Variants in TTLL11 observed in about 807,000 individuals in gnomAD.
The protein encoded by TTLL11 is tubulin tyrosine ligase like 11, also known as tubulin polyglutamylase TTLL11.
In TTLL11, 42 loss-of-function variants were observed where a neutral mutation model predicts 51.7. The ratio of observed to expected loss-of-function variants is 0.81; its 90% CI spans 0.64 to 1.05. TTLL11 has a LOEUF of 1.05. Ranked by LOEUF, TTLL11 falls within the 50% of genes least tolerant of loss-of-function variation. TTLL11 has a pLI of 0.00. For missense variants in TTLL11, 799 were observed against 940.4 expected, an observed-to-expected ratio of 0.85 and a Z score of 1.97; for synonymous variants, 381 against 383.5, an observed-to-expected ratio of 0.99 and a Z score of 0.08.
intron 8 of TTLL11, among the ~76,000 whole-genome samples, chr9:121,826,387 GTA>G (rs199645560): frequency 1.6e-5 from 2 of 124,528 alleles, no homozygotes; most frequent in African/African-American, 6.4e-5. Flanking sequence ...GTGTGTGGGT[GTA>G]TATATATATG....
At chr9:121,861,689 G>A (rs145382271) in intron 7 of TTLL11, among the ~76,000 whole-genome samples, 8 of 152,246 alleles carry the variant, frequency 5.3e-5, no homozygotes, top group Non-Finnish European at 8.8e-5. Context: ...GGCAGCTGAC[G>A]GTGTCATGCT....
chr9:122,041,062 T>A (rs1215861360), intron 1 of TTLL11, among the ~76,000 whole-genome samples: 1 of 152,168 alleles, frequency 6.6e-6, no homozygotes, highest in Non-Finnish European at 1.5e-5. Context: ...ATGACTCTTA[T>A]CTCCTTTTTC....
intron 6 of TTLL11, among the ~76,000 whole-genome samples, chr9:121,882,103 T>G (rs1376713284): frequency 6.6e-6 from 1 of 152,208 alleles, no homozygotes; most frequent in Non-Finnish European, 1.5e-5. Context: ...ACTCAGTAAG[T>G]GTTAGCTGCT....
intron 3 of TTLL11, among the ~76,000 whole-genome samples, chr9:122,021,322 G>A (rs1844173582): frequency 6.6e-6 from 1 of 152,162 alleles, no homozygotes; most frequent in Non-Finnish European, 1.5e-5. Context: ...AGGGAAGACT[G>A]AGATAGCCAG....
intron 6 of TTLL11, among the ~76,000 whole-genome samples, chr9:121,896,056 CTG>C (rs1176602444): frequency 2.1e-5 from 3 of 141,678 alleles, no homozygotes; most frequent in South Asian, 2.3e-4. Context: ...ATTTGTGTGG[CTG>C]TGTGTCATTG....
In TTLL11 at chr9:121,844,875, A is replaced by G. The variant is rs537019981; in HGVS notation, c.1840+15462T>C. Among the ~76,000 whole-genome samples, 14 of 152,238 alleles carry G rather than the reference A, an allele frequency of 9.2e-5. 1 individual carries two copies. In the East Asian group the frequency reaches 1.9e-3, roughly 21 times the overall value. The stretch of plus-strand genomic sequence containing the variant: ...AAGGAGACTATCCAGGAACAGTGGG[A>G]CAATGACAAAAAGTACAAAATATAT... On this transcript the variant is annotated intron_variant, in intron 8 of 8. Transcript: ENST00000321582.
chr9:122,050,384 C>G (rs1206126196), intron 1 of TTLL11, among the ~76,000 whole-genome samples: 1 of 152,188 alleles, frequency 6.6e-6, no homozygotes, highest in Admixed American at 6.5e-5. Flanking sequence ...TTCCATGATG[C>G]CTTCAGGCAG....
intron 8 of TTLL11, among the ~76,000 whole-genome samples, chr9:121,827,502 C>A (rs1362225680): frequency 2.0e-5 from 3 of 152,178 alleles, no homozygotes; most frequent in Non-Finnish European, 1.5e-5. Context: ...ACATCTCCCC[C>A]TCCAAAAAGA....
intron 6 of TTLL11, among the ~76,000 whole-genome samples, chr9:121,892,396 A>AG (rs1245604753): frequency 6.6e-6 from 1 of 152,104 alleles, no homozygotes; most frequent in South Asian, 2.1e-4. Flanking sequence ...TCATGGCGGA[A>AG]GGCAAAAGGC....
rs182397792 is a variant in TTLL11 at position 121,954,375 on chromosome 9, G to C, written c.1481+19634C>G. 1.9e-3 allele frequency among the ~76,000 whole-genome samples: 286 copies of C among 152,324 alleles called. 2 individuals are homozygous for C. The highest frequency in any genetic ancestry group is 6.7e-3 in the African/African-American group (278 of 41,582). On this transcript the variant is annotated intron_variant, in intron 6 of 8. Transcript: ENST00000321582. ...GAGACAAGCCCCACTCTGTCCCCCAGTTACAAGCACCAAAGATGCTAGCAA... is the reference window on the plus strand; with the variant it reads ...GAGACAAGCCCCACTCTGTCCCCCACTTACAAGCACCAAAGATGCTAGCAA...
intron 1 of TTLL11, among the ~76,000 whole-genome samples, chr9:122,089,467 T>C (rs1343785392): frequency 6.6e-6 from 1 of 152,172 alleles, no homozygotes; most frequent in African/African-American, 2.4e-5. Context: ...TATATGTTAG[T>C]TTTCATGCAG....
intron 7 of TTLL11, among the ~76,000 whole-genome samples, chr9:121,866,339 C>G (rs1455323455): frequency 1.3e-5 from 2 of 152,106 alleles, no homozygotes; most frequent in Non-Finnish European, 2.9e-5. Flanking sequence ...GATTAGGTTG[C>G]TGTTAGGATT....
intron 1 of TTLL11, among the ~76,000 whole-genome samples, chr9:122,041,853 A>G (rs576426747): frequency 1.3e-5 from 2 of 152,222 alleles, no homozygotes; most frequent in African/African-American, 4.8e-5. Flanking sequence ...ACTACCTAAA[A>G]TGGTCTACAG....
At chr9:122,044,586 G>C (rs547189035) in intron 1 of TTLL11, among the ~76,000 whole-genome samples, 1 of 152,222 alleles carries the variant, frequency 6.6e-6, no homozygotes, top group Admixed American at 6.5e-5. Context: ...TTGTGGTTTT[G>C]ATTTGCATTT....
At chr9:121,963,158 C>T (rs987409285) in intron 6 of TTLL11, among the ~76,000 whole-genome samples, 2 of 152,202 alleles carry the variant, frequency 1.3e-5, no homozygotes, top group African/African-American at 2.4e-5. Context: ...GCAGATCCTA[C>T]GTGAGGACTA....
intron 6 of TTLL11, among the ~76,000 whole-genome samples, chr9:121,929,641 T>C (rs7861360): frequency 0.37 from 56,181 of 152,116 alleles, 10,840 homozygotes; most frequent in East Asian, 0.58. Context: ...GTGCTCACTC[T>C]GTGCAGGGGT....
chr9:122,057,850 AAT>A (rs1845332926), intron 1 of TTLL11, among the ~76,000 whole-genome samples: 1 of 152,136 alleles, frequency 6.6e-6, no homozygotes, highest in Non-Finnish European at 1.5e-5. Flanking sequence ...CTTACATAAA[AAT>A]AGTTATGCCC....
At chr9:121,848,590 A>G (rs1837581517) in intron 8 of TTLL11, among the ~76,000 whole-genome samples, 1 of 152,194 alleles carries the variant, frequency 6.6e-6, no homozygotes, top group Non-Finnish European at 1.5e-5. Flanking sequence ...TCAATTTTTA[A>G]AAATATATTA....
chr9:121,954,375 G>T (rs182397792), intron 6 of TTLL11, among the ~76,000 whole-genome samples: 1 of 152,206 alleles, frequency 6.6e-6, no homozygotes, highest in Non-Finnish European at 1.5e-5. Flanking sequence ...CTGTCCCCCA[G>T]TTACAAGCAC....
Sources: allele counts gnomAD v4.1 joint callset (sites outside exome capture counted in the v4.1 genomes callset), GRCh38; gene constraint gnomAD v4.1.1; transcripts MANE v1.5; gene names NCBI Gene and HGNC (gene_info 2026-07-23, HGNC 2026-07-21).